Variants in SLC30A4 observed in about 807,000 individuals in gnomAD.
The protein encoded by SLC30A4 is probable proton-coupled zinc antiporter SLC30A4.
A neutral mutation model predicts 41.7 loss-of-function variants in SLC30A4; 20 were observed. That is an observed-to-expected ratio of 0.48 (90% confidence interval 0.34 to 0.70). The LOEUF (loss-of-function observed/expected upper bound fraction) is 0.70. SLC30A4 is among the 30% of genes least tolerant of loss of function. SLC30A4 has a pLI of 0.01. For missense variants in SLC30A4, 441 were observed against 529.3 expected, an observed-to-expected ratio of 0.83 and a Z score of 1.64; for synonymous variants, 181 against 195.9, an observed-to-expected ratio of 0.92 and a Z score of 0.64.
In SLC30A4 at chr15:45,481,174, C is replaced by T. The variant is rs944956857; in HGVS notation, c.*3989G>A. Reference sequence around the variant, plus strand: ...AGTTTTAGAGAATGGAAATAAAGCACCCAAAGTTGAAAAGAAAACAGTAAA... The same window carrying T: ...AGTTTTAGAGAATGGAAATAAAGCATCCAAAGTTGAAAAGAAAACAGTAAA... On this transcript the variant is annotated 3_prime_UTR_variant, in exon 8 of 8. Transcript: ENST00000261867. 6.6e-6 allele frequency: 1 copy of T among 152,084 alleles called. No homozygotes were observed. Among genetic ancestry groups the T allele is most frequent in the Non-Finnish European group, 1.5e-5 (1 of 68,030 alleles). The allele number at this position is 152,084 out of a possible 1,614,324, so 9.4% of individuals were successfully genotyped here. A position where few individuals can be genotyped will look rare whatever the true frequency, so the allele number is the denominator to read the frequency against.
At position 45,487,505 on chromosome 15, in the gene SLC30A4, T is replaced by C. The variant is rs774470799; in HGVS notation, c.1000+22A>G. ...CTTTAGGGAAGTAATAAACTCATAA[T>C]GAGGATATAGTGAGATCTTACCTTC... On this transcript the variant is annotated intron_variant, in intron 6 of 7. Coordinates refer to ENST00000261867, the MANE Select transcript of SLC30A4 (RefSeq NM_013309.6). 7.2e-6 allele frequency: 8 copies of C among 1,110,428 alleles called. No homozygotes were observed. In the Admixed American group the frequency reaches 1.4e-4, roughly 19 times the overall value. The allele number at this position is 1,110,428 out of a possible 1,614,324, so 68.8% of individuals were successfully genotyped here. A position where few individuals can be genotyped will look rare whatever the true frequency, so the allele number is the denominator to read the frequency against.
intron 3 of SLC30A4, among the ~76,000 whole-genome samples, chr15:45,509,829 T>A (rs971076938): frequency 6.6e-6 from 1 of 152,034 alleles, no homozygotes; most frequent in Non-Finnish European, 1.5e-5. Flanking sequence ...GAGGCCAAGG[T>A]AGGAGGATGG....
At position 45,484,905 on chromosome 15, in the gene SLC30A4, CTATGAG is replaced by C. The variant is rs1322642908; in HGVS notation, c.*252_*257del. On this transcript the variant is annotated 3_prime_UTR_variant, in exon 8 of 8. Transcript: ENST00000261867. ...ATGAAGTATGATCTTGGATTGTCTT[CTATGAG>C]GTATCTGTAGAGTCACATCTCATTC... 1 of 405,542 alleles carries C rather than the reference CTATGAG, an allele frequency of 2.5e-6. No homozygotes were observed. Among genetic ancestry groups the C allele is most frequent in the Non-Finnish European group, 4.4e-6 (1 of 229,086 alleles). The allele number at this position is 405,542 out of a possible 1,614,324, so 25.1% of individuals were successfully genotyped here. A position where few individuals can be genotyped will look rare whatever the true frequency, so the allele number is the denominator to read the frequency against.
At chr15:45,489,063 CATT>C (rs941196954) in intron 4 of SLC30A4, 21 bp from the exon 5 acceptor site, 16 of 1,558,334 alleles carry the variant, frequency 1.0e-5, no homozygotes, top group Non-Finnish European at 1.2e-5. Flanking sequence ...TAAAAGAAAA[CATT>C]ATTATTTTTC....
Position 45,487,649 on chromosome 15 carries a change from C to T in SLC30A4, c.895-17G>A. On this transcript the variant is annotated splice_polypyrimidine_tract_variant and intron_variant, in intron 5 of 7. Transcript: ENST00000261867. The stretch of plus-strand genomic sequence containing the variant: ...GTATTCTGGCTAAAGGGTAATAGAT[C>T]AAAATTTATGATTAAATAGACAAAT... The T allele has an allele frequency of 1.7e-6, 2 of 1,169,374 alleles. No homozygotes were observed. Among genetic ancestry groups the T allele is most frequent in the Non-Finnish European group, 1.3e-6 (1 of 782,208 alleles). 72.4% of individuals were successfully genotyped at this position (1,169,374 alleles called of 1,614,324 possible).
At chr15:45,494,280 C>T (rs1208963174) in intron 3 of SLC30A4, among the ~76,000 whole-genome samples, 1 of 151,748 alleles carries the variant, frequency 6.6e-6, no homozygotes, top group Non-Finnish European at 1.5e-5. Flanking sequence ...CTTAATACCC[C>T]AAAAAACAAA....
chr15:45,489,031 A>C lies in SLC30A4; in HGVS notation c.704T>G (p.Leu235Arg). ...GVAVNVIMGF[L>R]LNQSGHRHSH... ...GTGACGGTGACCAGACTGGTTCAAC[A>C]GAAACCCCATTCTGTTAAAAATAAA... is the stretch of plus-strand genomic sequence containing the variant. The change falls in exon 5 of 8, where the codon CTG becomes CGG. Residue 235 changes from leucine to arginine, a missense_variant. By Grantham distance (102) the Leu-to-Arg change is moderately radical. Coordinates refer to ENST00000261867, the MANE Select transcript of SLC30A4 (RefSeq NM_013309.6). The C allele has an allele frequency of 6.2e-7, 1 of 1,608,856 alleles. No individual in the cohort carries two copies. The highest frequency in any genetic ancestry group is 8.5e-7 in the Non-Finnish European group (1 of 1,177,560).
rs551756257 is a variant in SLC30A4 at position 45,505,815 on chromosome 15, C to T, written c.538+5323G>A. Reference sequence around the variant, plus strand: ...GCTAGAAACCAATTAAAAGGGTCTACTCTTATGGAATGGTATGGGGAGATG... The same window carrying T: ...GCTAGAAACCAATTAAAAGGGTCTATTCTTATGGAATGGTATGGGGAGATG... On this transcript the variant is annotated intron_variant, in intron 3 of 7. Transcript: ENST00000261867. Among the ~76,000 whole-genome samples, 84 of 152,232 alleles carry T rather than the reference C, an allele frequency of 5.5e-4. 1 individual carries two copies. The highest frequency in any genetic ancestry group is 3.4e-3 in the Middle Eastern group (1 of 294).
At chr15:45,503,886 C>T (rs1285387270) in intron 3 of SLC30A4, among the ~76,000 whole-genome samples, 2 of 151,986 alleles carry the variant, frequency 1.3e-5, no homozygotes, top group East Asian at 1.9e-4. Flanking sequence ...GCAGAGGTTG[C>T]GGTGAGCTGA....
At chr15:45,491,334 C>T (rs1891806518) in intron 3 of SLC30A4, among the ~76,000 whole-genome samples, 1 of 152,198 alleles carries the variant, frequency 6.6e-6, no homozygotes, top group Admixed American at 6.5e-5. Context: ...TGTATATTTA[C>T]AGACCATGCA....
Position 45,485,247 on chromosome 15 carries a change from G to T in SLC30A4, c.1206C>A (p.Gly402=). ...GAAGCTGAATAGTACATCTATACAT[G>T]CCAAATGTGTTCAATAATAAATGGT... ...KANHLLLNTF[G]MYRCTIQLQS... is the part of the protein sequence containing the mutation. Residue 402 remains glycine (G), a synonymous_variant, in exon 8 of 8, where the codon GGC becomes GGA. Transcript: ENST00000261867. 1 of 1,610,152 alleles carries T rather than the reference G, an allele frequency of 6.2e-7. No individual in the cohort carries two copies. Among genetic ancestry groups the T allele is most frequent in the Non-Finnish European group, 8.5e-7 (1 of 1,176,788 alleles).
chr15:45,518,624 C>T (rs188868015), intron 2 of SLC30A4, among the ~76,000 whole-genome samples: 68 of 152,192 alleles, frequency 4.5e-4, no homozygotes, highest in Admixed American at 1.6e-3. Context: ...GTACAGCAGC[C>T]GGATCTCAGC....
At chr15:45,497,976 T>C (rs1288555903) in intron 3 of SLC30A4, among the ~76,000 whole-genome samples, 3 of 152,244 alleles carry the variant, frequency 2.0e-5, no homozygotes, top group Non-Finnish European at 2.9e-5. Context: ...CCAAACATAT[T>C]TATTTTCATG....
In SLC30A4 at chr15:45,514,181, A is replaced by C. The variant is rs570994495; in HGVS notation, c.392-2897T>G. On this transcript the variant is annotated intron_variant, in intron 2 of 7. Coordinates refer to ENST00000261867, the MANE Select transcript of SLC30A4 (RefSeq NM_013309.6). ...ACCAATATGGAAAAACCCTGTCTCT[A>C]CTAAAAATACAAAATTAGTTGGGCA... is the stretch of plus-strand genomic sequence containing the variant. 3.3e-5 allele frequency among the ~76,000 whole-genome samples: 5 copies of C among 152,130 alleles called. No homozygotes were observed. In the South Asian group the frequency reaches 1.0e-3, roughly 32 times the overall value.
intron 7 of SLC30A4, among the ~76,000 whole-genome samples, chr15:45,485,710 T>C (rs892798581): frequency 3.3e-5 from 5 of 151,896 alleles, no homozygotes; most frequent in African/African-American, 1.2e-4. Flanking sequence ...GCATGGGAAA[T>C]ATTCTTTCTT....
At chr15:45,498,980 C>T (rs939133141) in intron 3 of SLC30A4, among the ~76,000 whole-genome samples, 2 of 152,102 alleles carry the variant, frequency 1.3e-5, no homozygotes, top group Non-Finnish European at 2.9e-5. Flanking sequence ...CAGGACAATC[C>T]ATCATCTAGC....
chr15:45,486,537 T>C, intron 7 of SLC30A4, 74 bp downstream of exon 7: 1 of 1,313,132 alleles, frequency 7.6e-7, no homozygotes, highest in East Asian at 2.6e-5. Context: ...CCTACATAAT[T>C]ATAAGCAGGG....
intron 5 of SLC30A4, among the ~76,000 whole-genome samples, chr15:45,488,574 AAAATAAAT>A (rs139550846): frequency 1.3e-5 from 2 of 151,748 alleles, no homozygotes; most frequent in Admixed American, 6.6e-5. Flanking sequence ...CTCTGTCTCA[AAAATAAAT>A]AAATAAATAA....
intron 3 of SLC30A4, among the ~76,000 whole-genome samples, chr15:45,510,673 T>C (rs1020888690): frequency 6.6e-6 from 1 of 152,170 alleles, no homozygotes; most frequent in South Asian, 2.1e-4. Flanking sequence ...CAAATAAAAA[T>C]GTGTGCATTT....
Sources: allele counts gnomAD v4.1 joint callset (sites outside exome capture counted in the v4.1 genomes callset), GRCh38; gene constraint gnomAD v4.1.1; transcripts MANE v1.5; gene names NCBI Gene and HGNC (gene_info 2026-07-23, HGNC 2026-07-21).